The following GKAP1 variants were observed in gnomAD, a reference collection of about 807,000 sequenced individuals.
GKAP1 encodes G kinase-anchoring protein 1.
A neutral mutation model predicts 56.7 loss-of-function variants in GKAP1; 31 were observed. The observed-to-expected ratio is 0.55, with a 90% CI of 0.41 to 0.74. The LOEUF is 0.74. Ranked by LOEUF, GKAP1 falls within the 30% of genes least tolerant of loss-of-function variation. GKAP1 has a pLI of 0.00. For synonymous variants in GKAP1, 151 were observed against 138.6 expected, an observed-to-expected ratio of 1.09 and a Z score of -0.63; for missense variants, 364 against 402.3, an observed-to-expected ratio of 0.90 and a Z score of 0.82.
chr9:83,800,313 C>T (rs1944310176), intron 3 of GKAP1, among the ~76,000 whole-genome samples: 1 of 150,222 alleles, frequency 6.7e-6, no homozygotes, highest in South Asian at 2.1e-4. Context: ...AAAGTTTAGC[C>T]TAAAGCTGCC....
At chr9:83,800,603 T>C (rs1944316790) in intron 3 of GKAP1, among the ~76,000 whole-genome samples, 1 of 152,188 alleles carries the variant, frequency 6.6e-6, no homozygotes, top group African/African-American at 2.4e-5. Flanking sequence ...CCAAAAGTGT[T>C]GGGATTACAG....
intron 9 of GKAP1, among the ~76,000 whole-genome samples, chr9:83,750,433 C>A (rs961307679): frequency 2.6e-5 from 4 of 152,184 alleles, no homozygotes; most frequent in African/African-American, 9.7e-5. Context: ...CCAAATCAGT[C>A]AAAGACGTGC....
At chr9:83,791,281 T>C (rs1383216604) in intron 4 of GKAP1, among the ~76,000 whole-genome samples, 14 of 151,910 alleles carry the variant, frequency 9.2e-5, no homozygotes, top group Non-Finnish European at 1.3e-4. Flanking sequence ...CGGGTGCCTG[T>C]AGTCCCAGCT....
intron 8 of GKAP1, among the ~76,000 whole-genome samples, chr9:83,766,915 C>T (rs1375764717): frequency 6.6e-6 from 1 of 152,162 alleles, no homozygotes; most frequent in Non-Finnish European, 1.5e-5. Flanking sequence ...GTGCTACATA[C>T]TGGCAAGAAA....
intron 12 of GKAP1, among the ~76,000 whole-genome samples, chr9:83,739,989 T>G (rs1817940958): frequency 6.6e-6 from 1 of 152,174 alleles, no homozygotes; most frequent in Admixed American, 6.5e-5. Context: ...CTTAGTAAGC[T>G]CACCGATATC....
Position 83,779,448 on chromosome 9 carries a change from T to TATACACACACACACACACACAC in GKAP1, c.585+933_585+934insGTGTGTGTGTGTGTGTGTGTAT, listed in dbSNP as rs1554742273. Among the ~76,000 whole-genome samples the TATACACACACACACACACACAC allele has an allele frequency of 2.1e-4, 25 of 119,614 alleles. No individual in the cohort carries two copies. In the South Asian group the frequency reaches 2.3e-3, roughly 11 times the overall value. 78.5% of individuals were successfully genotyped at this position (119,614 alleles called of 152,430 possible). On this transcript the variant is annotated intron_variant, in intron 7 of 12. Coordinates refer to ENST00000376371, the MANE Select transcript of GKAP1 (RefSeq NM_025211.4). The stretch of plus-strand genomic sequence containing the variant: ...AGCCATATATATATATATATATATA[T>TATACACACACACACACACACAC]ACACACACACACACACGCACATATA...
chr9:83,802,755 A>T (rs1944351920), intron 3 of GKAP1, among the ~76,000 whole-genome samples: 1 of 151,720 alleles, frequency 6.6e-6, no homozygotes, highest in East Asian at 1.9e-4. Flanking sequence ...TGAACCCAGG[A>T]GTTTGAGGCT....
At chr9:83,800,494 C>G (rs928456757) in intron 3 of GKAP1, among the ~76,000 whole-genome samples, 1 of 152,000 alleles carries the variant, frequency 6.6e-6, no homozygotes, top group African/African-American at 2.4e-5. Flanking sequence ...CCACCACGCC[C>G]AGATACTTTT....
intron 8 of GKAP1, among the ~76,000 whole-genome samples, 155 bp from the exon 9 acceptor site, chr9:83,753,514 T>C (rs538173630): frequency 2.5e-4 from 38 of 152,332 alleles, no homozygotes; most frequent in Non-Finnish European, 4.7e-4. Context: ...CACTCAATTA[T>C]ATAATCCTAA....
intron 8 of GKAP1, among the ~76,000 whole-genome samples, chr9:83,758,377 A>G (rs568823212): frequency 3.9e-4 from 60 of 152,284 alleles, no homozygotes; most frequent in African/African-American, 1.4e-3. Context: ...TAGATTCATT[A>G]TTGTTGTAAT....
intron 9 of GKAP1, among the ~76,000 whole-genome samples, chr9:83,752,159 CCT>C (rs1274843836): frequency 7.2e-5 from 11 of 152,082 alleles, no homozygotes; most frequent in African/African-American, 2.7e-4. Flanking sequence ...ACCCCAACAC[CCT>C]GAGAGGCCAA....
intron 7 of GKAP1, among the ~76,000 whole-genome samples, chr9:83,772,199 G>A (rs1391120947): frequency 6.6e-6 from 1 of 151,934 alleles, no homozygotes; most frequent in Non-Finnish European, 1.5e-5. Flanking sequence ...ACACCTATTT[G>A]GTACCAAGCA....
At chr9:83,804,866 G>A (rs1247628725) in intron 3 of GKAP1, among the ~76,000 whole-genome samples, 1 of 148,068 alleles carries the variant, frequency 6.8e-6, no homozygotes, top group African/African-American at 2.5e-5. Context: ...CCCCCCGCCC[G>A]GCCAGCCGCC....
intron 3 of GKAP1, among the ~76,000 whole-genome samples, chr9:83,803,947 C>A (rs1434226122): frequency 6.6e-6 from 1 of 151,086 alleles, no homozygotes; most frequent in Non-Finnish European, 1.5e-5. Flanking sequence ...CGGCCGCGAC[C>A]CCGTCTGGGA....
At chr9:83,764,354 C>T (rs892509367) in intron 8 of GKAP1, among the ~76,000 whole-genome samples, 9 of 152,162 alleles carry the variant, frequency 5.9e-5, no homozygotes, top group African/African-American at 1.9e-4. Flanking sequence ...CTCGTTCTGT[C>T]TTCTGCCACC....
intron 2 of GKAP1, among the ~76,000 whole-genome samples, chr9:83,812,478 G>C (rs1423507326): frequency 1.3e-5 from 2 of 150,986 alleles, no homozygotes; most frequent in African/African-American, 4.9e-5. Context: ...CTCCAGAGTA[G>C]CTGGGACTAC....
intron 4 of GKAP1, among the ~76,000 whole-genome samples, chr9:83,795,017 G>A (rs1228334027): frequency 2.6e-5 from 4 of 151,994 alleles, no homozygotes; most frequent in Admixed American, 2.0e-4. Flanking sequence ...CTAGCCGGGC[G>A]TGGTGGCACA....
At chr9:83,807,023 A>C (rs1944450273) in intron 2 of GKAP1, among the ~76,000 whole-genome samples, 1 of 152,210 alleles carries the variant, frequency 6.6e-6, no homozygotes, top group Admixed American at 6.5e-5. Context: ...ATAAAATACT[A>C]CCATAGGTTT....
intron 2 of GKAP1, 110 bp downstream of exon 2, chr9:83,816,886 G>A (rs1283336150): frequency 1.3e-5 from 2 of 152,098 alleles, no homozygotes; most frequent in Non-Finnish European, 1.5e-5. Context: ...CTAGAGATCT[G>A]ACAAAAATTC....
Sources: gnomAD v4.1 joint callset for allele counts (sites outside exome capture counted in the v4.1 genomes callset) on GRCh38, gnomAD v4.1.1 for gene constraint, MANE v1.5 for transcripts, NCBI Gene and HGNC (gene_info 2026-07-23, HGNC 2026-07-21) for gene names.